Variants in SYNJ1 observed in about 807,000 individuals in gnomAD.
SYNJ1 encodes the protein synaptojanin 1, also known as polyphosphatidylinositol phosphatase SYNJ1.
A neutral mutation model predicts 168.2 loss-of-function variants in SYNJ1; 78 were observed. The ratio of observed to expected loss-of-function variants is 0.46; its 90% CI spans 0.39 to 0.56. SYNJ1 has a LOEUF of 0.56. Ranked by LOEUF, SYNJ1 falls within the 20% of genes least tolerant of loss-of-function variation. SYNJ1 has a pLI of 0.00. For missense variants in SYNJ1, 1,303 were observed against 1,597.6 expected (o/e 0.82, Z 3.14); for synonymous variants, 539 against 548.6 (o/e 0.98, Z 0.24).
At chr21:32,665,109 T>A in intron 17 of SYNJ1, 38 bp from the exon 18 acceptor site, 1 of 1,555,092 alleles carries the variant, frequency 6.4e-7, no homozygotes, top group Non-Finnish European at 8.7e-7. Context: ...TTCAAAACAA[T>A]CAATGTTCAA....
chr21:32,661,529 G>A (rs139278798), intron 18 of SYNJ1, among the ~76,000 whole-genome samples: 80 of 152,228 alleles, frequency 5.3e-4, no homozygotes, highest in Non-Finnish European at 7.5e-4. Flanking sequence ...CTGCCCTTAC[G>A]AATTGGCTCA....
chr21:32,648,450 T>G (rs2040152880), intron 23 of SYNJ1, among the ~76,000 whole-genome samples: 1 of 152,232 alleles, frequency 6.6e-6, no homozygotes, highest in African/African-American at 2.4e-5. Flanking sequence ...ATTTCTGTCC[T>G]CATTTCTTCT....
At position 32,670,388 on chromosome 21, in the gene SYNJ1, C is replaced by G. The variant is rs1364285865; in HGVS notation, c.1727-16G>C. 1 of 1,597,124 alleles carries G rather than the reference C, an allele frequency of 6.3e-7. No homozygotes were observed. Among genetic ancestry groups the G allele is most frequent in the Non-Finnish European group, 8.6e-7 (1 of 1,166,456 alleles). ...CTTCTTTTATCTAAAATTAAGCATC[C>G]AAGAAATACTTTTAAATATAGCCTC... On this transcript the variant is annotated splice_polypyrimidine_tract_variant and intron_variant, in intron 14 of 32. Transcript: ENST00000674351.
chr21:32,711,450 A>G (rs2146305097), intron 2 of SYNJ1, among the ~76,000 whole-genome samples: 1 of 151,622 alleles, frequency 6.6e-6, no homozygotes, highest in South Asian at 2.1e-4. Context: ...CTTCTGCCTC[A>G]GCCTCCAGAG....
At chr21:32,671,066 T>G (rs2041167626) in intron 14 of SYNJ1, among the ~76,000 whole-genome samples, 1 of 152,088 alleles carries the variant, frequency 6.6e-6, no homozygotes, top group Non-Finnish European at 1.5e-5. Context: ...CCAAACACTT[T>G]GGAAGGCTGA....
At chr21:32,727,837 C>A (rs955961700) in intron 1 of SYNJ1, 109 bp downstream of exon 1, 1 of 1,493,230 alleles carries the variant, frequency 6.7e-7, no homozygotes, top group East Asian at 2.6e-5. Flanking sequence ...CGCCCCTCAC[C>A]GCTCCCGCTG....
chr21:32,644,993 A>C lies in SYNJ1; in HGVS notation c.3405T>G (p.Pro1135=), dbSNP rs2145769298. The change falls in exon 26 of 33, where the codon CCT becomes CCG. Residue 1135 remains proline (P), a synonymous_variant. Coordinates refer to ENST00000674351, the MANE Select transcript of SYNJ1 (RefSeq NM_203446.3). The part of the protein sequence containing the change: ...RPPPPSGARS[P]APTRKEFGGI... ...CTCCAAATTCCTTTCTAGTGGGTGC[A>C]GGACTCCTAGCCCCTTATAGTTCAT... is the stretch of plus-strand genomic sequence containing the variant. 1 of 1,607,896 alleles carries C rather than the reference A, an allele frequency of 6.2e-7. No homozygotes were observed.
chr21:32,691,988 C>G (rs573965437), intron 6 of SYNJ1, among the ~76,000 whole-genome samples: 1 of 152,136 alleles, frequency 6.6e-6, no homozygotes, highest in Non-Finnish European at 1.5e-5. Flanking sequence ...AAATCTGACA[C>G]GCATAACATA....
At chr21:32,662,348 T>C (rs2040745462) in intron 18 of SYNJ1, among the ~76,000 whole-genome samples, 1 of 152,172 alleles carries the variant, frequency 6.6e-6, no homozygotes, top group Non-Finnish European at 1.5e-5. Flanking sequence ...GTTACTGAGG[T>C]AGGGTAACAA....
At chr21:32,677,111 A>C (rs1655903015) in intron 12 of SYNJ1, among the ~76,000 whole-genome samples, 1 of 152,206 alleles carries the variant, frequency 6.6e-6, no homozygotes, top group Non-Finnish European at 1.5e-5. Context: ...AATTCAATGA[A>C]AAGTTGAAAG....
Position 32,657,057 on chromosome 21 carries a change from G to T in SYNJ1, c.2525C>A (p.Thr842Asn), listed in dbSNP as rs370346211. Residue 842 changes from threonine (T) to asparagine (N), a missense_variant, in exon 20 of 33, where the codon ACT (threonine) becomes AAT (asparagine). Thr to Asn is a moderately conservative substitution (Grantham distance 65, BLOSUM62 0). Transcript: ENST00000674351. ...QDESKILYTWTPGTLLHYGRA... is the reference protein window; with the variant it reads ...QDESKILYTWNPGTLLHYGRA... ...TCCATAGTGCAGCAAAGTGCCTGGA[G>T]TCCACGTGTACAGAATTTTGCTTTC... 3.0e-5 allele frequency: 49 copies of T among 1,614,052 alleles called. No individual in the cohort carries two copies. The highest frequency in any genetic ancestry group is 6.7e-5 in the African/African-American group (5 of 74,914).
intron 21 of SYNJ1, 99 bp downstream of exon 21, chr21:32,656,584 ATCTT>A (rs2040464370): frequency 2.1e-6 from 2 of 932,662 alleles, no homozygotes; most frequent in Non-Finnish European, 3.2e-6. Context: ...ATAAGGTGGT[ATCTT>A]TCTTTTTTAA....
chr21:32,701,950 G>A lies in SYNJ1; in HGVS notation c.211+11C>T, dbSNP rs747912886. The A allele has an allele frequency of 6.6e-6, 10 of 1,523,476 alleles. No individual in the cohort carries two copies. In the South Asian group the frequency reaches 1.4e-4, roughly 21 times the overall value. 94.4% of individuals were successfully genotyped at this position (1,523,476 alleles called of 1,614,324 possible). ...AAAAAATGGATGAATTCTACTGAAT[G>A]ATAAACTTACCAAGATTTAACCGCA... On this transcript the variant is annotated intron_variant, in intron 3 of 32. Coordinates refer to ENST00000674351, the MANE Select transcript of SYNJ1 (RefSeq NM_203446.3).
rs540117655 is a variant in SYNJ1 at position 32,693,668 on chromosome 21, A to AT, written c.789+559dup. Among the ~76,000 whole-genome samples, 579 of 152,324 alleles carry AT rather than the reference A, an allele frequency of 3.8e-3. 6 individuals carry two copies. Among genetic ancestry groups the AT allele is most frequent in the Middle Eastern group, 0.034 (10 of 294 alleles). On this transcript the variant is annotated intron_variant, in intron 6 of 32. Transcript: ENST00000674351. Reference sequence around the variant, plus strand: ...AATGTCAACAATAGTTAACCCTTACATGGTGCTGACTGGGGGCCAGGTGCT... The same window carrying AT: ...AATGTCAACAATAGTTAACCCTTACATTGGTGCTGACTGGGGGCCAGGTGCT...
At chr21:32,700,589 A>G (rs1450956719) in intron 3 of SYNJ1, among the ~76,000 whole-genome samples, 1 of 152,168 alleles carries the variant, frequency 6.6e-6, no homozygotes, top group Admixed American at 6.6e-5. Flanking sequence ...TGGAAGGTGG[A>G]GTCTGCAGTG....
At chr21:32,662,628 T>G (rs531879533) in intron 18 of SYNJ1, among the ~76,000 whole-genome samples, 12 of 152,324 alleles carry the variant, frequency 7.9e-5, no homozygotes, top group African/African-American at 2.6e-4. Context: ...ATTTGATGCC[T>G]GTGCTGTCAT....
intron 4 of SYNJ1, 131 bp from the exon 5 acceptor site, chr21:32,695,413 T>C: frequency 1.2e-6 from 1 of 848,562 alleles, no homozygotes; most frequent in Non-Finnish European, 1.8e-6. Context: ...TCAATTCATT[T>C]ACATTTACTA....
intron 21 of SYNJ1, 126 bp downstream of exon 21, chr21:32,656,561 T>C: frequency 2.7e-6 from 2 of 745,382 alleles, no homozygotes; most frequent in South Asian, 4.0e-5. Context: ...AATACTCATA[T>C]ACTAAACACT....
intron 2 of SYNJ1, among the ~76,000 whole-genome samples, chr21:32,720,402 T>C (rs1259537969): frequency 6.6e-6 from 1 of 152,226 alleles, no homozygotes; most frequent in Non-Finnish European, 1.5e-5. Flanking sequence ...TACGCAGTTT[T>C]ATAGAAAAGA....
Sources: allele counts gnomAD v4.1 joint callset (sites outside exome capture counted in the v4.1 genomes callset), GRCh38; gene constraint gnomAD v4.1.1; transcripts MANE v1.5; gene names NCBI Gene and HGNC (gene_info 2026-07-23, HGNC 2026-07-21).